Variants in FMN2 observed in about 807,000 individuals in gnomAD.
FMN2 encodes formin-2.
FMN2 carries 51 observed loss-of-function variants against 142.3 expected under a neutral mutation model. That is an observed-to-expected ratio of 0.36 (90% CI 0.29 to 0.45). The LOEUF (loss-of-function observed/expected upper bound fraction) is 0.45. FMN2 is among the 20% of genes least tolerant of loss of function. The pLI is 1.00. For synonymous variants in FMN2, 882 were observed against 869.8 expected, an observed-to-expected ratio of 1.01 and a Z score of -0.25; for missense variants, 1,936 against 2,122.8, an observed-to-expected ratio of 0.91 and a Z score of 1.73.
chr1:240,421,736 A>G (rs1674769574), intron 15 of FMN2, among the ~76,000 whole-genome samples: 1 of 152,202 alleles, frequency 6.6e-6, no homozygotes. Context: ...CTAAACCACA[A>G]GCAGGTACAA....
At chr1:240,275,453 T>G (rs1416595950) in intron 7 of FMN2, among the ~76,000 whole-genome samples, 1 of 152,130 alleles carries the variant, frequency 6.6e-6, no homozygotes, top group African/African-American at 2.4e-5. Flanking sequence ...TATTCCATGG[T>G]GTATATGTGC....
intron 8 of FMN2, among the ~76,000 whole-genome samples, chr1:240,325,261 T>G (rs1263518085): frequency 6.7e-6 from 1 of 148,544 alleles, no homozygotes; most frequent in Non-Finnish European, 1.5e-5. Flanking sequence ...GAGGACCTAT[T>G]GAGCCCAAGA....
intron 4 of FMN2, among the ~76,000 whole-genome samples, chr1:240,196,767 C>T (rs910513777): frequency 1.3e-5 from 2 of 152,270 alleles, no homozygotes; most frequent in Non-Finnish European, 2.9e-5. Flanking sequence ...CCGGCCTCGA[C>T]CTCCCAAATA....
chr1:240,322,279 C>G lies in FMN2; in HGVS notation c.4216-6797C>G, dbSNP rs74151619. Among the ~76,000 whole-genome samples the G allele has an allele frequency of 5.2e-3, 797 of 152,208 alleles. 8 individuals carry two copies. Among genetic ancestry groups the G allele is most frequent in the African/African-American group, 0.018 (747 of 41,522 alleles). Reference sequence around the variant, plus strand: ...AAAAACTAAAGCTCCTTGGCATCTTCTATAATTTTTAGGAGAGTAAAGAAT... The same window carrying G: ...AAAAACTAAAGCTCCTTGGCATCTTGTATAATTTTTAGGAGAGTAAAGAAT... On this transcript the variant is annotated intron_variant, in intron 8 of 17. Transcript: ENST00000319653.
chr1:240,222,057 C>T (rs1490841030), intron 6 of FMN2, among the ~76,000 whole-genome samples: 1 of 144,772 alleles, frequency 6.9e-6, no homozygotes, highest in Admixed American at 6.9e-5. Flanking sequence ...TGGGGTTTCA[C>T]TATGATGGCC....
intron 1 of FMN2, among the ~76,000 whole-genome samples, chr1:240,097,546 G>A (rs1394186505): frequency 1.3e-5 from 2 of 151,896 alleles, no homozygotes; most frequent in Non-Finnish European, 2.9e-5. Context: ...TAGTACAGAC[G>A]GGGTTTCACC....
intron 13 of FMN2, among the ~76,000 whole-genome samples, chr1:240,348,981 T>C (rs1572217837): frequency 6.6e-6 from 1 of 152,322 alleles, no homozygotes; most frequent in Non-Finnish European, 1.5e-5. Context: ...GGGCAATGAC[T>C]GATTTGATGG....
chr1:240,206,731 T>G, intron 4 of FMN2, 68 bp from the exon 5 acceptor site: 1 of 1,521,996 alleles, frequency 6.6e-7, no homozygotes. Flanking sequence ...ATAATTTTGC[T>G]TAATTTTTTG....
chr1:240,265,776 T>TAC (rs2102910266), intron 7 of FMN2, among the ~76,000 whole-genome samples: 1 of 152,200 alleles, frequency 6.6e-6, no homozygotes, highest in Non-Finnish European at 1.5e-5. Context: ...GTTCTGATTG[T>TAC]ACACACACCT....
intron 14 of FMN2, among the ~76,000 whole-genome samples, chr1:240,365,317 A>G (rs946047329): frequency 7.7e-6 from 1 of 129,432 alleles, no homozygotes; most frequent in African/African-American, 3.1e-5. Flanking sequence ...ACACACATAT[A>G]TATACACACA....
chr1:240,094,093 C>G (rs187930680), intron 1 of FMN2, among the ~76,000 whole-genome samples: 1 of 152,110 alleles, frequency 6.6e-6, no homozygotes, highest in Non-Finnish European at 1.5e-5. Context: ...TTCATCACCA[C>G]AGCATTAAAA....
intron 2 of FMN2, chr1:240,170,705 G>C: frequency 6.4e-7 from 1 of 1,556,674 alleles, no homozygotes; most frequent in Non-Finnish European, 8.9e-7. Context: ...ATTTCAGCTG[G>C]TTATGGTGCT....
intron 13 of FMN2, among the ~76,000 whole-genome samples, chr1:240,347,999 A>G (rs927437523): frequency 4.6e-5 from 7 of 152,164 alleles, no homozygotes; most frequent in Admixed American, 4.6e-4. Flanking sequence ...TAGCACAACA[A>G]TGAACATACA....
At chr1:240,322,760 A>G (rs141973109) in intron 8 of FMN2, among the ~76,000 whole-genome samples, 1 of 152,130 alleles carries the variant, frequency 6.6e-6, no homozygotes, top group African/African-American at 2.4e-5. Flanking sequence ...CCGTGTCACC[A>G]TGAGAGAGGG....
chr1:240,237,293 G>C (rs1290579405), intron 6 of FMN2, among the ~76,000 whole-genome samples: 1 of 152,184 alleles, frequency 6.6e-6, no homozygotes, highest in African/African-American at 2.4e-5. Flanking sequence ...TTAGAAAACA[G>C]TCAGGGATCT....
At chr1:240,444,509 G>T (rs115153773) in intron 16 of FMN2, among the ~76,000 whole-genome samples, 1,767 of 151,476 alleles carry the variant, frequency 0.012, 18 homozygotes, top group Non-Finnish European at 0.016. Context: ...ATTAGTAAGG[G>T]TTATGTTTAA....
intron 8 of FMN2, among the ~76,000 whole-genome samples, chr1:240,296,684 T>A (rs886693908): frequency 6.6e-6 from 1 of 151,698 alleles, no homozygotes; most frequent in Non-Finnish European, 1.5e-5. Context: ...TTTTTTTTTT[T>A]AACATATGTT....
chr1:240,450,775 AG>A, intron 16 of FMN2, among the ~76,000 whole-genome samples: 1 of 152,302 alleles, frequency 6.6e-6, no homozygotes, highest in African/African-American at 2.4e-5. Flanking sequence ...CTTGATGCTG[AG>A]CTATATAAAG....
At chr1:240,471,309 T>A (rs1324632496) in intron 16 of FMN2, among the ~76,000 whole-genome samples, 1 of 152,156 alleles carries the variant, frequency 6.6e-6, no homozygotes, top group African/African-American at 2.4e-5. Flanking sequence ...CATGAGTGTG[T>A]GTGGTATAGG....
Sources: allele counts gnomAD v4.1 joint callset (sites outside exome capture counted in the v4.1 genomes callset), GRCh38; gene constraint gnomAD v4.1.1; transcripts MANE v1.5; gene names NCBI Gene and HGNC (gene_info 2026-07-23, HGNC 2026-07-21).